The following LRP1B variants were observed in gnomAD, a reference collection of about 807,000 sequenced individuals.
LRP1B encodes LDL receptor related protein 1B.
LRP1B carries 217 observed loss-of-function variants against 556.6 expected under a neutral mutation model. That is an observed-to-expected ratio of 0.39 (90% CI 0.35 to 0.44). LRP1B has a LOEUF of 0.44. Ranked by LOEUF, LRP1B falls within the 20% of genes least tolerant of loss-of-function variation. The probability of loss-of-function intolerance (pLI) is 1.00; values close to 1 mark genes in which losing one functional copy is unlikely to be tolerated. For missense variants in LRP1B, 5,053 were observed against 5,620.8 expected (o/e 0.90, Z 3.23); for synonymous variants, 2,047 against 1,865.8 (o/e 1.10, Z -2.50).
rs190154290 is a variant in LRP1B, at chr2:141,262,054, A to G, written c.344-7413T>C. The stretch of plus-strand genomic sequence containing the variant: ...CTTCTTCCCAGCAGTTGGTATTTTC[A>G]GCTTTTAATTTAATTTTATTTTTTA... On this transcript the variant is annotated intron_variant, in intron 3 of 90. Transcript: ENST00000389484. Among the ~76,000 whole-genome samples, 637 of 152,202 alleles carry G rather than the reference A, an allele frequency of 4.2e-3. 2 individuals carry two copies. The highest frequency in any genetic ancestry group is 0.014 in the African/African-American group (585 of 41,534).
intron 89 of LRP1B, among the ~76,000 whole-genome samples, chr2:140,235,770 T>C (rs980153419): frequency 1.3e-5 from 2 of 151,052 alleles, no homozygotes; most frequent in Admixed American, 6.6e-5. Flanking sequence ...GTGTACAAAA[T>C]TGGATTAATT....
At chr2:141,813,671 T>C (rs890336496) in intron 1 of LRP1B, among the ~76,000 whole-genome samples, 19 of 152,114 alleles carry the variant, frequency 1.2e-4, no homozygotes, top group African/African-American at 4.6e-4. Context: ...TTTTCACTCC[T>C]GTAGTTCTGC....
chr2:140,959,391 A>T (rs1695968344), intron 18 of LRP1B, among the ~76,000 whole-genome samples: 1 of 151,614 alleles, frequency 6.6e-6, no homozygotes, highest in African/African-American at 2.4e-5. Context: ...TTTTTAATAC[A>T]TTTTAGCACA....
At position 140,683,750 on chromosome 2, in the gene LRP1B, T is replaced by A. The variant is rs946153960; in HGVS notation, c.6799+16500A>T. ...CCCCGGGCTAGTCGATCCATAGCCT[T>A]CTCAGTCTCTCTCTCCTGACAGGAG... On this transcript the variant is annotated intron_variant, in intron 41 of 90. Transcript: ENST00000389484. 1.0e-5 allele frequency: 10 copies of A among 955,104 alleles called. No homozygotes were observed. The African/African-American group carries it at 1.6e-4, about 16-fold the overall frequency. 59.2% of individuals were successfully genotyped at this position (955,104 alleles called of 1,614,324 possible).
At chr2:141,441,428 T>C (rs1236652912) in intron 3 of LRP1B, among the ~76,000 whole-genome samples, 1 of 152,206 alleles carries the variant, frequency 6.6e-6, no homozygotes, top group Non-Finnish European at 1.5e-5. Flanking sequence ...TGTTTTCCAC[T>C]GATCCCTAAG....
chr2:141,427,951 G>C (rs1027264933), intron 3 of LRP1B, among the ~76,000 whole-genome samples: 33 of 152,056 alleles, frequency 2.2e-4, no homozygotes, highest in Admixed American at 8.5e-4. Context: ...ATAAATCTAA[G>C]AGTACTTTTC....
intron 12 of LRP1B, 72 bp downstream of exon 12, chr2:141,019,847 CTAT>C (rs1698014449): frequency 9.1e-7 from 1 of 1,095,534 alleles, no homozygotes; most frequent in Admixed American, 2.5e-5. Context: ...TTAAATAAAA[CTAT>C]TATTAACTAT....
At chr2:141,196,748 T>A (rs1465618628) in intron 6 of LRP1B, among the ~76,000 whole-genome samples, 3 of 152,178 alleles carry the variant, frequency 2.0e-5, no homozygotes, top group African/African-American at 7.2e-5. Flanking sequence ...ACTTTTGACA[T>A]CATTCCTGTT....
At chr2:141,336,946 G>A (rs545083472) in intron 3 of LRP1B, among the ~76,000 whole-genome samples, 9 of 152,184 alleles carry the variant, frequency 5.9e-5, no homozygotes, top group African/African-American at 1.9e-4. Context: ...ATCCATTGAA[G>A]GGCATTTGGC....
intron 89 of LRP1B, among the ~76,000 whole-genome samples, chr2:140,236,740 G>C (rs1680718250): frequency 6.6e-6 from 1 of 150,780 alleles, no homozygotes. Flanking sequence ...CAGCTTATCT[G>C]GCTCATCATT....
At chr2:141,077,653 A>C (rs1699822324) in intron 7 of LRP1B, among the ~76,000 whole-genome samples, 1 of 152,150 alleles carries the variant, frequency 6.6e-6, no homozygotes, top group South Asian at 2.1e-4. Flanking sequence ...CAGAACTGTG[A>C]TTTCCCCCGA....
chr2:140,583,067 A>G (rs1681835642), intron 43 of LRP1B, among the ~76,000 whole-genome samples: 1 of 151,782 alleles, frequency 6.6e-6, no homozygotes, highest in African/African-American at 2.4e-5. Flanking sequence ...CATTTGCAGT[A>G]GCTACATCAG....
chr2:141,700,882 G>A (rs1415365482), intron 2 of LRP1B, among the ~76,000 whole-genome samples: 2 of 151,826 alleles, frequency 1.3e-5, no homozygotes, highest in East Asian at 1.9e-4. Context: ...TATTTACAAA[G>A]TCTACTCTCA....
intron 6 of LRP1B, among the ~76,000 whole-genome samples, chr2:141,228,852 C>G (rs10188773): frequency 0.54 from 82,597 of 151,842 alleles, 23,448 homozygotes; most frequent in Admixed American, 0.64. Flanking sequence ...ACTCTGTCTG[C>G]TTTTTTTAAA....
chr2:140,873,175 C>A (rs1270166670), intron 25 of LRP1B, among the ~76,000 whole-genome samples: 1 of 152,040 alleles, frequency 6.6e-6, no homozygotes, highest in African/African-American at 2.4e-5. Context: ...ATTAATCAAG[C>A]AATTTCTTAC....
rs1431812137 is a variant in LRP1B, at chr2:140,777,808, T to TA, written c.5360-1571dup. On this transcript the variant is annotated intron_variant, in intron 32 of 90. Transcript: ENST00000389484. ...TTACAAAAGAAGAGTCTTTAGAGAT[T>TA]AAAAAATCTACCAAGAAGTATTTTT... Among the ~76,000 whole-genome samples the TA allele has an allele frequency of 4.6e-5, 7 of 152,080 alleles. No individual in the cohort carries two copies. The South Asian group carries it at 1.0e-3, about 23-fold the overall frequency.
intron 7 of LRP1B, among the ~76,000 whole-genome samples, chr2:141,144,186 T>C (rs1701725303): frequency 1.3e-5 from 2 of 152,182 alleles, no homozygotes; most frequent in African/African-American, 4.8e-5. Flanking sequence ...CAACCTTACC[T>C]TAGAGTTAAT....
chr2:141,491,098 A>G (rs1001130658), intron 2 of LRP1B, among the ~76,000 whole-genome samples: 2 of 152,092 alleles, frequency 1.3e-5, no homozygotes, highest in African/African-American at 2.4e-5. Context: ...GAAAATAATA[A>G]AAGTACTTTT....
rs1451384836 is a variant in LRP1B at position 141,352,438 on chromosome 2, A to G, written c.344-97797T>C. ...TATAAAAAAGTTGCAATGATAGTAC[A>G]GAGTTTTCATATGTCCCTAAGTCAC... On this transcript the variant is annotated intron_variant, in intron 3 of 90. Transcript: ENST00000389484. 2.6e-5 allele frequency among the ~76,000 whole-genome samples: 4 copies of G among 152,022 alleles called. No individual in the cohort carries two copies. The East Asian group carries it at 7.7e-4, about 29-fold the overall frequency.
Sources: gnomAD v4.1 joint callset for allele counts (sites outside exome capture counted in the v4.1 genomes callset) on GRCh38, gnomAD v4.1.1 for gene constraint, MANE v1.5 for transcripts, NCBI Gene and HGNC (gene_info 2026-07-23, HGNC 2026-07-21) for gene names.